The following NECAB1 variants were observed in gnomAD, a reference collection of about 807,000 sequenced individuals.
NECAB1 encodes the protein N-terminal EF-hand calcium binding protein 1, also known as N-terminal EF-hand calcium-binding protein 1.
A neutral mutation model predicts 57.5 loss-of-function variants in NECAB1; 29 were observed. That is an observed-to-expected ratio of 0.50 (90% confidence interval 0.38 to 0.69). The LOEUF is 0.69. Ranked by LOEUF, NECAB1 falls within the 30% of genes least tolerant of loss-of-function variation. NECAB1 has a pLI of 0.00. For missense variants in NECAB1, 372 were observed against 413.8 expected (o/e 0.90, Z 0.88); for synonymous variants, 142 against 147.7 (o/e 0.96, Z 0.28).
chr8:90,829,667 C>T (rs1812274155), intron 3 of NECAB1, among the ~76,000 whole-genome samples: 2 of 152,060 alleles, frequency 1.3e-5, no homozygotes. Flanking sequence ...GTGCTGAGCA[C>T]TGGGATTTCA....
chr8:90,844,287 G>A (rs1812514225), intron 3 of NECAB1, among the ~76,000 whole-genome samples: 1 of 152,094 alleles, frequency 6.6e-6, no homozygotes, highest in Non-Finnish European at 1.5e-5. Flanking sequence ...AGTAGTTGAG[G>A]TAGGTCCCTG....
At chr8:90,881,599 C>G (rs1175351582) in intron 5 of NECAB1, among the ~76,000 whole-genome samples, 1 of 152,184 alleles carries the variant, frequency 6.6e-6, no homozygotes, top group African/African-American at 2.4e-5. Flanking sequence ...CCTTCCTCCT[C>G]TGGCCATGTG....
At chr8:90,924,163 ACT>A (rs1471852371) in intron 6 of NECAB1, among the ~76,000 whole-genome samples, 1 of 152,228 alleles carries the variant, frequency 6.6e-6, no homozygotes. Context: ...TTCACTAGTG[ACT>A]CTGGGATATA....
intron 3 of NECAB1, among the ~76,000 whole-genome samples, chr8:90,846,771 G>A (rs1812568032): frequency 6.6e-6 from 1 of 152,144 alleles, no homozygotes; most frequent in Non-Finnish European, 1.5e-5. Context: ...ATGTGCAGGG[G>A]AACTCCCCTT....
At chr8:90,918,939 C>T (rs1265497184) in intron 6 of NECAB1, among the ~76,000 whole-genome samples, 4 of 152,194 alleles carry the variant, frequency 2.6e-5, no homozygotes, top group African/African-American at 9.7e-5. Flanking sequence ...AAGACCCTTA[C>T]AGACTACATG....
At chr8:90,806,967 A>G (rs1418860089) in intron 2 of NECAB1, among the ~76,000 whole-genome samples, 1 of 152,098 alleles carries the variant, frequency 6.6e-6, no homozygotes, top group Non-Finnish European at 1.5e-5. Context: ...ACCCAGGTCT[A>G]TTTCACTTCA....
chr8:90,868,719 T>C (rs1309705339), intron 3 of NECAB1, among the ~76,000 whole-genome samples: 1 of 152,204 alleles, frequency 6.6e-6, no homozygotes, highest in Non-Finnish European at 1.5e-5. Flanking sequence ...CTGAAACTTA[T>C]ATTTAAAAGG....
intron 2 of NECAB1, among the ~76,000 whole-genome samples, chr8:90,813,394 AAT>A (rs1276388159): frequency 2.6e-5 from 4 of 152,134 alleles, no homozygotes; most frequent in South Asian, 2.1e-4. Context: ...TACTGAGTTA[AAT>A]ATATGTTATA....
intron 8 of NECAB1, among the ~76,000 whole-genome samples, chr8:90,931,985 A>T (rs1314345167): frequency 6.6e-6 from 1 of 152,208 alleles, no homozygotes; most frequent in African/African-American, 2.4e-5. Flanking sequence ...AATAACAACA[A>T]GGACAACAAT....
intron 3 of NECAB1, among the ~76,000 whole-genome samples, chr8:90,850,324 C>T (rs1203128372): frequency 1.3e-5 from 2 of 152,182 alleles, no homozygotes; most frequent in African/African-American, 4.8e-5. Context: ...GCCCCTTGAT[C>T]ATAATCTCAG....
chr8:90,870,866 T>C (rs969908023), intron 3 of NECAB1, among the ~76,000 whole-genome samples: 1 of 152,310 alleles, frequency 6.6e-6, no homozygotes, highest in African/African-American at 2.4e-5. Context: ...TGGGAGTGCA[T>C]ACCAAAATTA....
intron 3 of NECAB1, among the ~76,000 whole-genome samples, chr8:90,854,046 A>G (rs923917421): frequency 7.2e-5 from 11 of 152,202 alleles, no homozygotes; most frequent in Non-Finnish European, 1.0e-4. Context: ...GGTGAGTTTC[A>G]GGTCCTTGAT....
At chr8:90,870,374 A>C (rs1196328196) in intron 3 of NECAB1, among the ~76,000 whole-genome samples, 1 of 152,206 alleles carries the variant, frequency 6.6e-6, no homozygotes, top group Non-Finnish European at 1.5e-5. Context: ...AATTGACAGA[A>C]AGGTAAAGTA....
At chr8:90,810,860 C>T (rs1542930) in intron 2 of NECAB1, among the ~76,000 whole-genome samples, 63,197 of 151,794 alleles carry the variant, frequency 0.42, 14,992 homozygotes, top group East Asian at 0.81. Flanking sequence ...GCATGGTGTT[C>T]GGGGACAACA....
chr8:90,958,758 C>A lies in NECAB1; in HGVS notation c.*3246C>A. ...TGCAAATTATAAATATACAGTCTTC[C>A]CACTTCACTAACCAAATTCCTACTT... On this transcript the variant is annotated 3_prime_UTR_variant, in exon 13 of 13. Transcript: ENST00000417640. 1 of 397,818 alleles carries A rather than the reference C, an allele frequency of 2.5e-6. No individual in the cohort carries two copies. Among genetic ancestry groups the A allele is most frequent in the Non-Finnish European group, 4.5e-6 (1 of 223,470 alleles). The allele number at this position is 397,818 out of a possible 1,614,324, so 24.6% of individuals were successfully genotyped here. A position where few individuals can be genotyped will look rare whatever the true frequency, so the allele number is the denominator to read the frequency against.
At chr8:90,837,517 T>A (rs1009816475) in intron 3 of NECAB1, among the ~76,000 whole-genome samples, 10 of 152,220 alleles carry the variant, frequency 6.6e-5, no homozygotes, top group African/African-American at 2.4e-4. Context: ...ATTTTCCATT[T>A]AATATTTTTG....
rs114224845 is a variant in NECAB1, at chr8:90,863,234, C to G, written c.234-8894C>G. On this transcript the variant is annotated intron_variant, in intron 3 of 12. Coordinates refer to ENST00000417640, the MANE Select transcript of NECAB1 (RefSeq NM_022351.5). ...TGCCTGGTGACAAAGACTGATTTCTCAAAAGCAAACCAATATTTGAAATAA... is the reference window on the plus strand; with the variant it reads ...TGCCTGGTGACAAAGACTGATTTCTGAAAAGCAAACCAATATTTGAAATAA... Among the ~76,000 whole-genome samples the G allele has an allele frequency of 3.7e-3, 557 of 152,186 alleles. 4 individuals are homozygous for G. The highest frequency in any genetic ancestry group is 0.013 in the African/African-American group (536 of 41,540).
At chr8:90,873,768 T>A (rs551995533) in intron 4 of NECAB1, among the ~76,000 whole-genome samples, 1 of 152,346 alleles carries the variant, frequency 6.6e-6, no homozygotes, top group East Asian at 1.9e-4. Flanking sequence ...TTAAGGAATA[T>A]TGTGTTATCC....
At chr8:90,895,828 C>T (rs1809314659) in intron 5 of NECAB1, among the ~76,000 whole-genome samples, 1 of 152,212 alleles carries the variant, frequency 6.6e-6, no homozygotes, top group Admixed American at 6.5e-5. Context: ...TACAATAGAT[C>T]TGTGGCAGTA....
Sources: gnomAD v4.1 joint callset for allele counts (sites outside exome capture counted in the v4.1 genomes callset) on GRCh38, gnomAD v4.1.1 for gene constraint, MANE v1.5 for transcripts, NCBI Gene and HGNC (gene_info 2026-07-23, HGNC 2026-07-21) for gene names.